The following ITGAM variants were observed in gnomAD, a reference collection of about 807,000 sequenced individuals.
The protein encoded by ITGAM is integrin subunit alpha M.
A neutral mutation model predicts 137.5 loss-of-function variants in ITGAM; 79 were observed. That is an observed-to-expected ratio of 0.57 (90% CI 0.48 to 0.69). ITGAM has a LOEUF of 0.69. ITGAM is among the 30% of genes least tolerant of loss of function. The pLI is 0.00. For synonymous variants in ITGAM, 583 were observed against 592.3 expected (o/e 0.98, Z 0.23); for missense variants, 1,343 against 1,483.5 (o/e 0.91, Z 1.56).
intron 1 of ITGAM, 43 bp from the exon 2 acceptor site, chr16:31,261,649 T>A (rs1260742786): frequency 7.5e-6 from 10 of 1,328,934 alleles, no homozygotes; most frequent in Non-Finnish European, 1.1e-5. Context: ...CTAACTGGCA[T>A]GCTACTTTCC....
chr16:31,310,412 C>G (rs796788708), intron 14 of ITGAM, among the ~76,000 whole-genome samples: 2 of 152,100 alleles, frequency 1.3e-5, no homozygotes, highest in Non-Finnish European at 2.9e-5. Context: ...TCTTTTTTCT[C>G]TAAACTTCTC....
intron 12 of ITGAM, among the ~76,000 whole-genome samples, chr16:31,289,620 G>C (rs1350929468): frequency 1.3e-5 from 2 of 152,106 alleles, no homozygotes; most frequent in Non-Finnish European, 2.9e-5. Context: ...GTGGGGGAAG[G>C]GAGGAGGGAA....
chr16:31,331,871 G>C lies in ITGAM; in HGVS notation c.*164G>C. On this transcript the variant is annotated 3_prime_UTR_variant, in exon 30 of 30. Coordinates refer to ENST00000544665, the MANE Select transcript of ITGAM (RefSeq NM_000632.4). Reference sequence around the variant, plus strand: ...CAAGTGTGTATGTGCGTGTGTGCAAGTGTCTGTGTGCAAGTGTGTGCACAT... The same window carrying C: ...CAAGTGTGTATGTGCGTGTGTGCAACTGTCTGTGTGCAAGTGTGTGCACAT... The C allele has an allele frequency of 1.7e-6, 1 of 588,122 alleles. No individual in the cohort carries two copies. Among genetic ancestry groups the C allele is most frequent in the Non-Finnish European group, 3.0e-6 (1 of 335,004 alleles). The allele number at this position is 588,122 out of a possible 1,614,324, so 36.4% of individuals were successfully genotyped here. A position where few individuals can be genotyped will look rare whatever the true frequency, so the allele number is the denominator to read the frequency against.
In ITGAM at chr16:31,331,978, T is replaced by A. The variant is rs1286943564; in HGVS notation, c.*271T>A. On this transcript the variant is annotated 3_prime_UTR_variant, in exon 30 of 30. Transcript: ENST00000544665. ...GTGAGTGTGTCCAAGTGTGTGTGCG[T>A]GTGTCCATGTGTGTGCAAGTGTGTG... 3.9e-6 allele frequency: 2 copies of A among 514,010 alleles called. No individual in the cohort carries two copies. Among genetic ancestry groups the A allele is most frequent in the African/African-American group, 4.0e-5 (2 of 50,592 alleles). The allele number at this position is 514,010 out of a possible 1,614,324, so 31.8% of individuals were successfully genotyped here. A position where few individuals can be genotyped will look rare whatever the true frequency, so the allele number is the denominator to read the frequency against.
intron 14 of ITGAM, among the ~76,000 whole-genome samples, chr16:31,310,385 T>C (rs1455468415): frequency 3.3e-5 from 5 of 152,166 alleles, no homozygotes; most frequent in East Asian, 1.9e-4. Flanking sequence ...TTGGAGGCTT[T>C]GTTCATTTCT....
chr16:31,323,412 G>A (rs1312217687), intron 16 of ITGAM, among the ~76,000 whole-genome samples: 7 of 143,788 alleles, frequency 4.9e-5, no homozygotes, highest in Non-Finnish European at 7.5e-5. Context: ...GGTGACAAGA[G>A]CGAAACTCCA....
chr16:31,330,222 A>G, intron 26 of ITGAM, 58 bp downstream of exon 26: 1 of 1,596,168 alleles, frequency 6.3e-7, no homozygotes, highest in East Asian at 2.2e-5. Flanking sequence ...TCCCTGCTGG[A>G]ACCTGTATGG....
intron 2 of ITGAM, among the ~76,000 whole-genome samples, chr16:31,262,350 TC>T: frequency 1.3e-5 from 1 of 78,392 alleles, no homozygotes; most frequent in East Asian, 2.8e-4. Context: ...CTTCCTTCCT[TC>T]CTTCCTTCCT....
chr16:31,315,504 C>A (rs900049613), intron 14 of ITGAM, among the ~76,000 whole-genome samples: 1 of 152,068 alleles, frequency 6.6e-6, no homozygotes, highest in Non-Finnish European at 1.5e-5. Context: ...ATTGCCCAGG[C>A]TGGAGTGCAG....
At chr16:31,303,292 G>A (rs994913024) in intron 14 of ITGAM, among the ~76,000 whole-genome samples, 1 of 152,070 alleles carries the variant, frequency 6.6e-6, no homozygotes, top group Non-Finnish European at 1.5e-5. Flanking sequence ...CTCTCAAAGT[G>A]TTAGGATTAT....
At chr16:31,292,417 C>A (rs2080095667) in intron 12 of ITGAM, among the ~76,000 whole-genome samples, 1 of 152,036 alleles carries the variant, frequency 6.6e-6, no homozygotes, top group South Asian at 2.1e-4. Context: ...CTCCTCCCAA[C>A]CTCCACCCTC....
intron 1 of ITGAM, among the ~76,000 whole-genome samples, chr16:31,260,308 C>A (rs1442269056): frequency 6.6e-6 from 1 of 152,132 alleles, no homozygotes; most frequent in Non-Finnish European, 1.5e-5. Context: ...ATGGACTGTG[C>A]AAGGCTGCTT....
chr16:31,276,736 AT>A lies in ITGAM; in HGVS notation c.1076del (p.Ile359ThrfsTer8), dbSNP rs747483186. On this transcript the variant is annotated frameshift_variant, in exon 10 of 30. Transcript: ENST00000544665. LOFTEE classifies it high-confidence loss of function. The stretch of plus-strand genomic sequence containing the variant: ...GTCTCAGGAAGGCTTCAGCGCTGCC[AT>A]CACCTCTGTAAGTGGCCCTTCATTA... ...EMSQEGFSAA[I>X]TSNGPLLSTV... The A allele has an allele frequency of 8.1e-6, 13 of 1,610,840 alleles. No homozygotes were observed. The highest frequency in any genetic ancestry group is 1.1e-5 in the Non-Finnish European group (13 of 1,178,476).
At chr16:31,305,914 C>G (rs2080259990) in intron 14 of ITGAM, among the ~76,000 whole-genome samples, 1 of 151,958 alleles carries the variant, frequency 6.6e-6, no homozygotes, top group Non-Finnish European at 1.5e-5. Context: ...GGATATTGTT[C>G]TGTAGTTTTC....
intron 14 of ITGAM, among the ~76,000 whole-genome samples, chr16:31,320,957 G>A (rs190364600): frequency 4.3e-4 from 65 of 152,254 alleles, no homozygotes; most frequent in Non-Finnish European, 7.5e-4. Flanking sequence ...AGAATCGCTT[G>A]AGCCCAGGAG....
intron 7 of ITGAM, among the ~76,000 whole-genome samples, chr16:31,272,514 C>T (rs1372246154): frequency 1.0e-5 from 1 of 97,848 alleles, no homozygotes; most frequent in Non-Finnish European, 1.9e-5. Context: ...GACAGAGTCT[C>T]ACTCTGTCAC....
chr16:31,323,467 C>T lies in ITGAM; in HGVS notation c.2003-932C>T, dbSNP rs544546125. The stretch of plus-strand genomic sequence containing the variant: ...AATTCCCCAAACTGATGAAAGACAT[C>T]AAGATTCTTTACAAAATCAAAGCAG... On this transcript the variant is annotated intron_variant, in intron 16 of 29. Transcript: ENST00000544665. Among the ~76,000 whole-genome samples the T allele has an allele frequency of 2.7e-5, 4 of 149,018 alleles. No homozygotes were observed. The South Asian group carries it at 8.4e-4, about 31-fold the overall frequency.
chr16:31,278,582 A>C (rs2079934987), intron 12 of ITGAM, among the ~76,000 whole-genome samples: 1 of 152,162 alleles, frequency 6.6e-6, no homozygotes, highest in African/African-American at 2.4e-5. Flanking sequence ...GTGCAGCTCC[A>C]GCTGTTCATT....
chr16:31,302,771 G>A (rs912246190), intron 14 of ITGAM, among the ~76,000 whole-genome samples: 9 of 151,670 alleles, frequency 5.9e-5, no homozygotes, highest in Non-Finnish European at 7.4e-5. Context: ...ACCTGACCTT[G>A]TGATTCACCT....
Sources: allele counts gnomAD v4.1 joint callset (sites outside exome capture counted in the v4.1 genomes callset), GRCh38; gene constraint gnomAD v4.1.1; transcripts MANE v1.5; gene names NCBI Gene and HGNC (gene_info 2026-07-23, HGNC 2026-07-21).